The following ASMT variants were observed in gnomAD, a reference collection of about 807,000 sequenced individuals.
ASMT encodes acetylserotonin O-methyltransferase.
ASMT carries 53 observed loss-of-function variants against 41.3 expected under a neutral mutation model. The ratio of observed to expected loss-of-function variants is 1.28; its 90% confidence interval spans 1.03 to 1.61. The LOEUF is 1.61. Among genes scored for constraint, ASMT ranks in the 40% most tolerant of loss-of-function variants. ASMT has a pLI of 0.00. For synonymous variants in ASMT, 231 were observed against 184.8 expected (o/e 1.25, Z -2.03); for missense variants, 531 against 441.3 (o/e 1.20, Z -1.82).
rs1934628720 is a variant in ASMT, at chrX:1,628,180, G to A, written c.443+409G>A. 1.6e-5 allele frequency: 4 copies of A among 246,866 alleles called. No homozygotes were observed. The South Asian group carries it at 2.1e-4, about 13-fold the overall frequency. 15.3% of individuals were successfully genotyped at this position (246,866 alleles called of 1,614,324 possible). On this transcript the variant is annotated intron_variant, in intron 4 of 8. Transcript: ENST00000381241. ...TACTAAAAATACAAAAATTAGCCGGGCGTGGTGGCGGACGCCTGTAATCCC... is the reference window on the plus strand; with the variant it reads ...TACTAAAAATACAAAAATTAGCCGGACGTGGTGGCGGACGCCTGTAATCCC...
At chrX:1,641,869 G>A (rs1198420329) in intron 8 of ASMT, among the ~76,000 whole-genome samples, 3 of 146,064 alleles carry the variant, frequency 2.1e-5, no homozygotes, top group East Asian at 2.1e-4. Context: ...GATGGGGACA[G>A]TGTCCCAGTG....
At chrX:1,630,408 C>T (rs181775018) in intron 5 of ASMT, among the ~76,000 whole-genome samples, 128 of 148,760 alleles carry the variant, frequency 8.6e-4, no homozygotes, top group Middle Eastern at 3.8e-3. Context: ...TGGGTTCAAG[C>T]GATTCTCCTG....
At chrX:1,618,903 T>C (rs1934234423) in intron 1 of ASMT, among the ~76,000 whole-genome samples, 1 of 152,166 alleles carries the variant, frequency 6.6e-6, no homozygotes, top group African/African-American at 2.4e-5. Context: ...GTCTGGTGGG[T>C]TCTAAATCTT....
chrX:1,617,665 G>C (rs1382866264), intron 1 of ASMT, among the ~76,000 whole-genome samples: 1 of 151,368 alleles, frequency 6.6e-6, no homozygotes, highest in Non-Finnish European at 1.5e-5. Context: ...GCCCAGGCTG[G>C]AGCGCAGTGG....
At chrX:1,635,043 C>T (rs1296217643) in intron 7 of ASMT, among the ~76,000 whole-genome samples, 7 of 138,972 alleles carry the variant, frequency 5.0e-5, no homozygotes, top group South Asian at 4.9e-4. Context: ...GGTGGGATCT[C>T]GGCTCACTGC....
At chrX:1,641,407 A>T (rs1295783677) in intron 8 of ASMT, among the ~76,000 whole-genome samples, 1 of 139,484 alleles carries the variant, frequency 7.2e-6, no homozygotes, top group African/African-American at 2.6e-5. Flanking sequence ...ACCTATCCTG[A>T]TGGTCCATGA....
chrX:1,627,312 C>T (rs1303990040), intron 3 of ASMT, among the ~76,000 whole-genome samples: 66 of 148,688 alleles, frequency 4.4e-4, no homozygotes, highest in Middle Eastern at 3.8e-3. Flanking sequence ...GGCGACACAG[C>T]GAGACTCCAT....
chrX:1,633,097 C>T (rs1253323261), intron 6 of ASMT, 53 bp from the exon 7 acceptor site: 45 of 1,610,170 alleles, frequency 2.8e-5, no homozygotes, highest in Admixed American at 2.7e-4. Context: ...GGAGGGTGAG[C>T]GATGTCTCTC....
At chrX:1,622,739 C>A (rs1351848613) in intron 1 of ASMT, among the ~76,000 whole-genome samples, 1 of 150,936 alleles carries the variant, frequency 6.6e-6, no homozygotes, top group African/African-American at 2.4e-5. Flanking sequence ...TGGTGAAACC[C>A]CATCTTTACT....
chrX:1,615,738 G>T (rs1172388438), intron 1 of ASMT, among the ~76,000 whole-genome samples: 15 of 151,638 alleles, frequency 9.9e-5, no homozygotes, highest in Non-Finnish European at 1.9e-4. Flanking sequence ...GGAGGCGGAG[G>T]TTGCAGTGAG....
At chrX:1,641,681 CTCTCT>C in intron 8 of ASMT, among the ~76,000 whole-genome samples, 1 of 148,284 alleles carries the variant, frequency 6.7e-6, no homozygotes, top group South Asian at 2.1e-4. Context: ...TGGACACAGC[CTCTCT>C]GTGTGAGATG....
intron 7 of ASMT, among the ~76,000 whole-genome samples, chrX:1,634,655 C>CA (rs368963421): frequency 0.15 from 22,435 of 149,330 alleles, 1,764 homozygotes; most frequent in Admixed American, 0.19. Flanking sequence ...CTGAGTTAAC[C>CA]CCCCCCCTTT....
Position 1,623,135 on chromosome X carries a change from C to T in ASMT, c.70-4C>T. 6.2e-7 allele frequency: 1 copy of T among 1,612,374 alleles called. No homozygotes were observed. Among genetic ancestry groups the T allele is most frequent in the Non-Finnish European group, 8.5e-7 (1 of 1,179,822 alleles). On this transcript the variant is annotated splice_region_variant and splice_polypyrimidine_tract_variant and intron_variant, in intron 1 of 8. Coordinates refer to ENST00000381241, the MANE Select transcript of ASMT (RefSeq NM_001171038.2). ...TGACCTTTTATTTCCGCTCCTGCTC[C>T]AAGGTTCTCTTCGCCGCCTGCGAGC...
At chrX:1,619,656 C>T (rs1281832863) in intron 1 of ASMT, among the ~76,000 whole-genome samples, 86 of 149,298 alleles carry the variant, frequency 5.8e-4, no homozygotes, top group African/African-American at 1.9e-3. Context: ...ACAGTTAATG[C>T]ACCTTTCATA....
At chrX:1,633,998 C>G (rs1388696380) in intron 7 of ASMT, among the ~76,000 whole-genome samples, 3 of 152,016 alleles carry the variant, frequency 2.0e-5, no homozygotes, top group African/African-American at 7.2e-5. Flanking sequence ...GTCTCAAACT[C>G]CTGACCTCAG....
At chrX:1,616,911 T>C (rs1474213858) in intron 1 of ASMT, among the ~76,000 whole-genome samples, 2 of 151,632 alleles carry the variant, frequency 1.3e-5, no homozygotes, top group Non-Finnish European at 2.9e-5. Context: ...GGTTTCACCG[T>C]GTTAGCCAGG....
At position 1,642,810 on chromosome X, in the gene ASMT, C is replaced by T; in HGVS notation, c.918C>T (p.Gly306=). The T allele has an allele frequency of 6.2e-7, 1 of 1,613,876 alleles. No individual in the cohort carries two copies. The highest frequency in any genetic ancestry group is 1.3e-5 in the African/African-American group (1 of 75,012). Residue 306 remains glycine, a synonymous_variant, in exon 9 of 9, where the codon GGC becomes GGT. Transcript: ENST00000381241. ...RIYHTCKPGG[G]ILVIESLLDE... is the part of the protein sequence containing the mutation. ...GTGCCCCTCCCTTTCTAGGTGGTGG[C>T]ATTCTGGTAATTGAAAGCCTCCTGG...
intron 4 of ASMT, among the ~76,000 whole-genome samples, chrX:1,628,380 G>A (rs1426615302): frequency 6.6e-6 from 1 of 152,188 alleles, no homozygotes; most frequent in East Asian, 1.9e-4. Flanking sequence ...AGGTGAAGGT[G>A]AGGCCAGGTG....
intron 1 of ASMT, among the ~76,000 whole-genome samples, chrX:1,618,700 G>C (rs1450845771): frequency 6.6e-6 from 1 of 152,210 alleles, no homozygotes; most frequent in African/African-American, 2.4e-5. Flanking sequence ...GCCTCCCAAA[G>C]TGCTAGGATT....
Sources: gnomAD v4.1 joint callset for allele counts (sites outside exome capture counted in the v4.1 genomes callset) on GRCh38, gnomAD v4.1.1 for gene constraint, MANE v1.5 for transcripts, NCBI Gene and HGNC (gene_info 2026-07-23, HGNC 2026-07-21) for gene names.